CACNG2: variants seen among roughly 807,000 people sequenced by gnomAD.
CACNG2 encodes the protein calcium voltage-gated channel auxiliary subunit gamma 2.
A neutral mutation model predicts 25.9 loss-of-function variants in CACNG2; 3 were observed. That is an observed-to-expected ratio of 0.12 (90% CI 0.05 to 0.30). The LOEUF is 0.30. Among genes scored for constraint, CACNG2 ranks in the 10% least tolerant of loss-of-function variants. The pLI is 1.00. For synonymous variants in CACNG2, 167 were observed against 173.3 expected, an observed-to-expected ratio of 0.96 and a Z score of 0.29; for missense variants, 341 against 432.5, an observed-to-expected ratio of 0.79 and a Z score of 1.88.
At chr22:36,691,944 G>A (rs1276962157) in intron 1 of CACNG2, among the ~76,000 whole-genome samples, 1 of 152,192 alleles carries the variant, frequency 6.6e-6, no homozygotes, top group Admixed American at 6.5e-5. Context: ...GAAAATTCAG[G>A]AAGGAGAAAG....
chr22:36,677,946 A>G (rs943455595), intron 1 of CACNG2, among the ~76,000 whole-genome samples: 5 of 152,232 alleles, frequency 3.3e-5, no homozygotes, highest in African/African-American at 1.2e-4. Context: ...TGACTGCCCC[A>G]TGATTGCAAA....
chr22:36,592,080 G>C (rs542027881), intron 1 of CACNG2, among the ~76,000 whole-genome samples: 1 of 152,154 alleles, frequency 6.6e-6, no homozygotes, highest in Admixed American at 6.5e-5. Flanking sequence ...CATGGGTGCA[G>C]TTAGCTGGAG....
In CACNG2 at chr22:36,613,246, A is replaced by C. The variant is rs573382009; in HGVS notation, c.212-25698T>G. Among the ~76,000 whole-genome samples the C allele has an allele frequency of 3.9e-5, 6 of 151,940 alleles. No homozygotes were observed. In the East Asian group the frequency reaches 1.2e-3, roughly 29 times the overall value. Reference sequence around the variant, plus strand: ...ATCTTTGGATCACTCTTTGGGGAACACTGCAGTAAATGAATCTTGGATTTC... The same window carrying C: ...ATCTTTGGATCACTCTTTGGGGAACCCTGCAGTAAATGAATCTTGGATTTC... On this transcript the variant is annotated intron_variant, in intron 1 of 3. Coordinates refer to ENST00000300105, the MANE Select transcript of CACNG2 (RefSeq NM_006078.5).
At chr22:36,665,286 A>G (rs1936860647) in intron 1 of CACNG2, among the ~76,000 whole-genome samples, 2 of 152,006 alleles carry the variant, frequency 1.3e-5, no homozygotes, top group African/African-American at 4.8e-5. Context: ...GTTCCTTCCT[A>G]TGTTGTGTGA....
chr22:36,679,527 T>C (rs1050743633), intron 1 of CACNG2, among the ~76,000 whole-genome samples: 1 of 152,212 alleles, frequency 6.6e-6, no homozygotes. Context: ...CAGTTATGCA[T>C]ATGAAATCTA....
At chr22:36,583,901 C>T (rs747199780) in intron 2 of CACNG2, among the ~76,000 whole-genome samples, 10 of 152,194 alleles carry the variant, frequency 6.6e-5, no homozygotes, top group Non-Finnish European at 1.0e-4. Context: ...GACCCCACTC[C>T]ACCCCTGCAC....
At chr22:36,629,569 G>A (rs781241978) in intron 1 of CACNG2, among the ~76,000 whole-genome samples, 52 of 152,034 alleles carry the variant, frequency 3.4e-4, no homozygotes, top group Middle Eastern at 3.4e-3. Context: ...AGCAGAGGGA[G>A]AGAGAGAGAT....
In CACNG2 at chr22:36,562,127, CAT is replaced by C. The variant is rs1194270124; in HGVS notation, c.*2222_*2223del. On this transcript the variant is annotated 3_prime_UTR_variant, in exon 4 of 4. Coordinates refer to ENST00000300105, the MANE Select transcript of CACNG2 (RefSeq NM_006078.5). ...GCCTGAACAGCTTTATGTTTGCTCACATGTGTGTATTTTTGCTTTGACATTGG... is the reference window on the plus strand; with the variant it reads ...GCCTGAACAGCTTTATGTTTGCTCACGTGTGTATTTTTGCTTTGACATTGG... The C allele has an allele frequency of 1.3e-5, 2 of 152,786 alleles. No individual in the cohort carries two copies. Among genetic ancestry groups the C allele is most frequent in the Admixed American group, 1.3e-4 (2 of 15,282 alleles). 9.5% of individuals were successfully genotyped at this position (152,786 alleles called of 1,614,324 possible). A position where few individuals can be genotyped will look rare whatever the true frequency, so the allele number is the denominator to read the frequency against.
At chr22:36,568,071 A>G (rs919277748) in intron 2 of CACNG2, among the ~76,000 whole-genome samples, 3 of 152,054 alleles carry the variant, frequency 2.0e-5, no homozygotes, top group Non-Finnish European at 4.4e-5. Flanking sequence ...GCTGGTCTCA[A>G]ACTCTTGACC....
chr22:36,575,781 C>G (rs1431657732), intron 2 of CACNG2, among the ~76,000 whole-genome samples: 1 of 152,140 alleles, frequency 6.6e-6, no homozygotes. Flanking sequence ...GAGTAATGAC[C>G]TTGAATCAAA....
chr22:36,587,157 T>C (rs780863592), intron 2 of CACNG2, among the ~76,000 whole-genome samples: 1 of 152,054 alleles, frequency 6.6e-6, no homozygotes, highest in African/African-American at 2.4e-5. Flanking sequence ...TACAGCATGA[T>C]AAAGTACCGT....
rs368613103 is a variant in CACNG2, at chr22:36,613,788, A to G, written c.212-26240T>C. Among the ~76,000 whole-genome samples, 3 of 151,860 alleles carry G rather than the reference A, an allele frequency of 2.0e-5. No homozygotes were observed. The East Asian group carries it at 5.8e-4, about 29-fold the overall frequency. ...CACAGATATCTGAACCTCAACCTGAACTTAGTGTCCATTTCCCCCATCCTC... is the reference window on the plus strand; with the variant it reads ...CACAGATATCTGAACCTCAACCTGAGCTTAGTGTCCATTTCCCCCATCCTC... On this transcript the variant is annotated intron_variant, in intron 1 of 3. Transcript: ENST00000300105.
intron 1 of CACNG2, among the ~76,000 whole-genome samples, chr22:36,590,605 TC>T (rs1483863077): frequency 1.3e-5 from 2 of 152,130 alleles, no homozygotes; most frequent in Non-Finnish European, 2.9e-5. Context: ...CAGGCCACCA[TC>T]CCTGCTCCCT....
At chr22:36,670,621 G>GTTTTTGTT (rs1005055183) in intron 1 of CACNG2, among the ~76,000 whole-genome samples, 1 of 102,816 alleles carries the variant, frequency 9.7e-6, no homozygotes, top group Non-Finnish European at 1.9e-5. Flanking sequence ...TGTGTGTTTT[G>GTTTTTGTT]TTTTTGTTTT....
At chr22:36,679,219 TTTCTTTCTTTCC>T (rs1327052928) in intron 1 of CACNG2, among the ~76,000 whole-genome samples, 52 of 140,772 alleles carry the variant, frequency 3.7e-4, no homozygotes, top group African/African-American at 1.2e-3. Flanking sequence ...TCTTTCTTTC[TTTCTTTCTTTCC>T]TTCTTTCTTT....
intron 1 of CACNG2, among the ~76,000 whole-genome samples, chr22:36,597,110 C>T (rs1424051391): frequency 6.6e-6 from 1 of 152,190 alleles, no homozygotes; most frequent in African/African-American, 2.4e-5. Context: ...GCAACCTCCG[C>T]CTCCCAGGTT....
chr22:36,685,698 G>A (rs1469196971), intron 1 of CACNG2, among the ~76,000 whole-genome samples: 1 of 152,254 alleles, frequency 6.6e-6, no homozygotes, highest in African/African-American at 2.4e-5. Flanking sequence ...GTCCTCAGGG[G>A]AAGGATTCCG....
At chr22:36,577,984 C>T (rs181044836) in intron 2 of CACNG2, among the ~76,000 whole-genome samples, 37 of 150,064 alleles carry the variant, frequency 2.5e-4, no homozygotes, top group African/African-American at 7.3e-4. Context: ...GAAAGTGTGC[C>T]GGGCTGGGGC....
intron 1 of CACNG2, among the ~76,000 whole-genome samples, chr22:36,615,689 G>A (rs1265921568): frequency 7.2e-5 from 11 of 152,118 alleles, no homozygotes; most frequent in Non-Finnish European, 2.9e-5. Context: ...CCACGAGGGC[G>A]GGGCTTTGCT....
Sources: gnomAD v4.1 joint callset for allele counts (sites outside exome capture counted in the v4.1 genomes callset) on GRCh38, gnomAD v4.1.1 for gene constraint, MANE v1.5 for transcripts, NCBI Gene and HGNC (gene_info 2026-07-23, HGNC 2026-07-21) for gene names.